TRIM23: variants seen among roughly 807,000 people sequenced by gnomAD.
TRIM23 encodes E3 ubiquitin-protein ligase TRIM23.
TRIM23 carries 27 observed loss-of-function variants against 71.0 expected under a neutral mutation model. The observed-to-expected ratio is 0.38, with a 90% CI of 0.28 to 0.52. The LOEUF is 0.52. TRIM23 is among the 20% of genes least tolerant of loss of function. The pLI, the probability that TRIM23 is intolerant of heterozygous loss-of-function variation, is 0.84. For missense variants in TRIM23, 482 were observed against 692.3 expected, an observed-to-expected ratio of 0.70 and a Z score of 3.41; for synonymous variants, 234 against 238.0, an observed-to-expected ratio of 0.98 and a Z score of 0.16.
At chr5:65,596,794 C>G (rs1045476571) in intron 8 of TRIM23, among the ~76,000 whole-genome samples, 1 of 152,184 alleles carries the variant, frequency 6.6e-6, no homozygotes, top group East Asian at 1.9e-4. Flanking sequence ...AACTACCCCC[C>G]ACCCCACACC....
At chr5:65,615,177 C>A (rs548910956) in intron 2 of TRIM23, among the ~76,000 whole-genome samples, 9 of 152,284 alleles carry the variant, frequency 5.9e-5, no homozygotes, top group African/African-American at 2.2e-4. Context: ...GCTGGGATTA[C>A]AGGTGTGAGC....
chr5:65,605,040 A>G lies in TRIM23; in HGVS notation c.1050T>C (p.Asp350=), dbSNP rs2150630013. The change falls in exon 7 of 11, where the codon GAT becomes GAC. Residue 350 remains aspartate, a synonymous_variant. Coordinates refer to ENST00000231524, the MANE Select transcript of TRIM23 (RefSeq NM_001656.4). ...CCTGTTTTGCCAAGACAACTCTACAATCATCCTATAAGAGGCAAAACAATA... is the reference window on the plus strand; with the variant it reads ...CCTGTTTTGCCAAGACAACTCTACAGTCATCCTATAAGAGGCAAAACAATA... ...LHCEKTLQQD[D]CRVVLAKQEI... 1.2e-6 allele frequency: 2 copies of G among 1,612,626 alleles called. No homozygotes were observed. The highest frequency in any genetic ancestry group is 3.3e-5 in the Admixed American group (2 of 59,916).
intron 5 of TRIM23, among the ~76,000 whole-genome samples, 158 bp downstream of exon 5, chr5:65,610,703 A>G (rs908237639): frequency 6.6e-6 from 1 of 152,182 alleles, no homozygotes; most frequent in African/African-American, 2.4e-5. Context: ...TCTCTTTTCC[A>G]TGATGAATGA....
At chr5:65,605,569 A>T in intron 6 of TRIM23, among the ~76,000 whole-genome samples, 1 of 152,230 alleles carries the variant, frequency 6.6e-6, no homozygotes, top group East Asian at 1.9e-4. Flanking sequence ...ACTTATGCAT[A>T]CATTTCTATA....
chr5:65,605,387 C>A (rs1754468755), intron 6 of TRIM23, among the ~76,000 whole-genome samples: 1 of 151,988 alleles, frequency 6.6e-6, no homozygotes, highest in African/African-American at 2.4e-5. Flanking sequence ...CCAAAACAAC[C>A]AAAATTAAGA....
chr5:65,622,734 T>C (rs1754978000), intron 1 of TRIM23, among the ~76,000 whole-genome samples: 2 of 152,206 alleles, frequency 1.3e-5, no homozygotes, highest in Admixed American at 1.3e-4. Context: ...AGTTCAGGAA[T>C]ATTTTACATG....
In TRIM23 at chr5:65,620,202, T is replaced by C. The variant is rs556624348; in HGVS notation, c.82-1947A>G. On this transcript the variant is annotated intron_variant, in intron 1 of 10. Coordinates refer to ENST00000231524, the MANE Select transcript of TRIM23 (RefSeq NM_001656.4). ...AGGTGTGGGAAAGCAGACACTCTCA[T>C]ACATTACTAATTGCTATGAAATGTT... Among the ~76,000 whole-genome samples the C allele has an allele frequency of 4.5e-4, 68 of 152,294 alleles. 1 individual carries two copies. The highest frequency in any genetic ancestry group is 1.5e-3 in the African/African-American group (64 of 41,562).
In TRIM23 at chr5:65,591,737, C is replaced by T; in HGVS notation, c.*32G>A. 1 of 1,577,896 alleles carries T rather than the reference C, an allele frequency of 6.3e-7. No homozygotes were observed. Among genetic ancestry groups the T allele is most frequent in the African/African-American group, 1.4e-5 (1 of 73,630 alleles). ...TACTATGTGCAAAGTTACTTTTAAC[C>T]ACAAAACTTCAAACAACTGCTGCCT... On this transcript the variant is annotated 3_prime_UTR_variant, in exon 11 of 11. Transcript: ENST00000231524.
rs1755050950 is a variant in TRIM23 at position 65,624,257 on chromosome 5, T to A, written c.18A>T (p.Val6=). ...TGTCTACTCCCGCTCCGAGCTTGTT[T>A]ACAACCAGGGTAGCCATCCTCGCAG... MATLV[V]NKLGAGVDSG... The change falls in exon 1 of 11, where the codon GTA becomes GTT. Residue 6 remains valine, a synonymous_variant. Coordinates refer to ENST00000231524, the MANE Select transcript of TRIM23 (RefSeq NM_001656.4). The A allele has an allele frequency of 6.2e-7, 1 of 1,614,194 alleles. No individual in the cohort carries two copies. The highest frequency in any genetic ancestry group is 2.2e-5 in the East Asian group (1 of 44,886).
At position 65,599,587 on chromosome 5, in the gene TRIM23, A is replaced by G. The variant is rs978823700; in HGVS notation, c.1180-2407T>C. Among the ~76,000 whole-genome samples, 12 of 152,244 alleles carry G rather than the reference A, an allele frequency of 7.9e-5. 1 individual carries two copies. The highest frequency in any genetic ancestry group is 1.4e-4 in the African/African-American group (6 of 41,466). The stretch of plus-strand genomic sequence containing the variant: ...TACACTAAAAACTACAAATATTGCT[A>G]AAATAAATTAAGACATAAATAGACA... On this transcript the variant is annotated intron_variant, in intron 7 of 10. Coordinates refer to ENST00000231524, the MANE Select transcript of TRIM23 (RefSeq NM_001656.4).
At chr5:65,610,667 T>C (rs531666883) in intron 5 of TRIM23, among the ~76,000 whole-genome samples, 194 bp downstream of exon 5, 1 of 152,328 alleles carries the variant, frequency 6.6e-6, no homozygotes, top group Non-Finnish European at 1.5e-5. Context: ...TTCTCCTCCA[T>C]AAAATAGTTA....
At chr5:65,617,836 C>T (rs1354594090) in intron 2 of TRIM23, among the ~76,000 whole-genome samples, 2 of 152,050 alleles carry the variant, frequency 1.3e-5, no homozygotes, top group Non-Finnish European at 2.9e-5. Flanking sequence ...CAGGGTAGCA[C>T]GTTTTTCTCA....
At chr5:65,620,307 G>C (rs1754896569) in intron 1 of TRIM23, among the ~76,000 whole-genome samples, 1 of 151,952 alleles carries the variant, frequency 6.6e-6, no homozygotes, top group African/African-American at 2.4e-5. Context: ...CTAGTTGCAG[G>C]AATTTATCCT....
chr5:65,607,255 T>G (rs1481243044), intron 6 of TRIM23: 2 of 152,202 alleles, frequency 1.3e-5, no homozygotes, highest in African/African-American at 4.8e-5. Context: ...AGACCTTGAT[T>G]TTTTTGCATT....
chr5:65,596,687 C>G (rs543382276), intron 8 of TRIM23, among the ~76,000 whole-genome samples, 156 bp from the exon 9 acceptor site: 1 of 152,254 alleles, frequency 6.6e-6, no homozygotes, highest in African/African-American at 2.4e-5. Flanking sequence ...CCTACTCCTA[C>G]GTGGTGAATG....
intron 6 of TRIM23, among the ~76,000 whole-genome samples, chr5:65,606,355 A>T (rs2150631191): frequency 6.6e-6 from 1 of 151,940 alleles, no homozygotes; most frequent in Non-Finnish European, 1.5e-5. Flanking sequence ...CTGAAGCAGG[A>T]GGAACACTTG....
At chr5:65,615,781 T>C (rs1399778729) in intron 2 of TRIM23, among the ~76,000 whole-genome samples, 1 of 152,240 alleles carries the variant, frequency 6.6e-6, no homozygotes, top group Non-Finnish European at 1.5e-5. Context: ...GCATTATTAC[T>C]AGGTAGTGCC....
intron 1 of TRIM23, among the ~76,000 whole-genome samples, chr5:65,623,133 T>C (rs1034271999): frequency 1.3e-5 from 2 of 152,228 alleles, no homozygotes; most frequent in African/African-American, 4.8e-5. Context: ...AAATGTCTCA[T>C]TTGCTGTCAT....
intron 6 of TRIM23, among the ~76,000 whole-genome samples, chr5:65,605,480 G>C (rs1454445885): frequency 6.6e-6 from 1 of 152,066 alleles, no homozygotes; most frequent in Non-Finnish European, 1.5e-5. Context: ...GAACTACTGG[G>C]GTACTGACAA....
Sources: allele counts gnomAD v4.1 joint callset (sites outside exome capture counted in the v4.1 genomes callset), GRCh38; gene constraint gnomAD v4.1.1; transcripts MANE v1.5; gene names NCBI Gene and HGNC (gene_info 2026-07-23, HGNC 2026-07-21).